The following GUK1 variants were observed in gnomAD, a reference collection of about 807,000 sequenced individuals.
GUK1 encodes guanylate kinase.
Under a neutral mutation model 25.2 loss-of-function variants are expected in GUK1, and 18 were observed. The ratio of observed to expected loss-of-function variants is 0.71; its 90% CI spans 0.49 to 1.06. The LOEUF (loss-of-function observed/expected upper bound fraction) is 1.06, where lower values mean the gene tolerates loss of function less well. Ranked by LOEUF, GUK1 falls within the 50% of genes least tolerant of loss-of-function variation. The pLI is 0.00. For missense variants in GUK1, 261 were observed against 276.7 expected (o/e 0.94, Z 0.40); for synonymous variants, 105 against 117.6 (o/e 0.89, Z 0.69).
At chr1:228,145,878 G>A (rs1044961401) in intron 3 of GUK1, 148 bp from the exon 3 acceptor site, 24 of 732,766 alleles carry the variant, frequency 3.3e-5, no homozygotes, top group East Asian at 1.8e-4. Context: ...GAGAACCCTC[G>A]CCTTGTAGGC....
chr1:228,146,634 A>C (rs2034393550), intron 4 of GUK1: 2 of 593,572 alleles, frequency 3.4e-6, no homozygotes, highest in African/African-American at 3.7e-5. Flanking sequence ...TATCTCCATC[A>C]GTGAGGACAG....
intron 4 of GUK1, 62 bp downstream of exon 3, chr1:228,146,129 G>A (rs938765842): frequency 1.7e-6 from 2 of 1,149,156 alleles, no homozygotes; most frequent in African/African-American, 3.0e-5. Context: ...GCTGGGCCCT[G>A]CAGCTGTGTT....
At chr1:228,141,342 C>G (rs1337054757) in intron 2 of GUK1, 18 of 774,130 alleles carry the variant, frequency 2.3e-5, no homozygotes, top group African/African-American at 1.9e-5. Flanking sequence ...TGAAAGCGCC[C>G]TGGCTGCTCC....
At chr1:228,144,895 GCATCA>G (rs147027877) in intron 2 of GUK1, 4 of 163,854 alleles carry the variant, frequency 2.4e-5, no homozygotes, top group African/African-American at 9.6e-5. Flanking sequence ...GGCATTACCA[GCATCA>G]CAGATAGGAG....
intron 4 of GUK1, chr1:228,146,572 C>A: frequency 1.9e-6 from 1 of 529,868 alleles, no homozygotes; most frequent in Non-Finnish European, 3.4e-6. Flanking sequence ...GTCTCCAGTC[C>A]CCACCCCATC....
rs1571898087 is a variant in GUK1 at position 228,147,631 on chromosome 1, A to G, written c.407A>G (p.Gln136Arg). Reference sequence around the variant, plus strand: ...CCTTTTTAGGAGCAGCGGCTGCGGCAGCGCAACACTGAAACCGAGGAGAGC... The same window carrying G: ...CCTTTTTAGGAGCAGCGGCTGCGGCGGCGCAACACTGAAACCGAGGAGAGC... Residue 136 changes from glutamine to arginine, a missense_variant, in exon 7 of 9, where the codon CAG becomes CGG. Gln to Arg is a conservative substitution (Grantham distance 43, BLOSUM62 1). Coordinates refer to ENST00000312726, the MANE Select transcript of GUK1 (RefSeq NM_000858.7). 1.2e-6 allele frequency: 2 copies of G among 1,612,910 alleles called. No individual in the cohort carries two copies. Among genetic ancestry groups the G allele is most frequent in the African/African-American group, 1.3e-5 (1 of 74,908 alleles).
chr1:228,141,072 G>C (rs1377766358), intron 1 of GUK1: 1 of 904,656 alleles, frequency 1.1e-6, no homozygotes, highest in Non-Finnish European at 1.3e-6. Context: ...CTGAGGCCCC[G>C]GGCTGGGTCC....
upstream of GUK1, chr1:228,140,277 T>C: frequency 3.9e-6 from 6 of 1,528,392 alleles, no homozygotes; most frequent in South Asian, 1.2e-5. Context: ...TCACGTAGGT[T>C]CAGTGGGCGG....
chr1:228,148,114 C>G (rs1040541670), intron 7 of GUK1: 4 of 604,690 alleles, frequency 6.6e-6, no homozygotes, highest in Non-Finnish European at 1.2e-5. Context: ...GATAGTGTAG[C>G]CCCTAACCAG....
intron 5 of GUK1, 77 bp from the exon 5 acceptor site, chr1:228,147,329 A>G: frequency 7.2e-7 from 1 of 1,397,500 alleles, no homozygotes; most frequent in Non-Finnish European, 9.8e-7. Flanking sequence ...TGGGCCCGGG[A>G]GGGCCTGGGT....
intron 4 of GUK1, chr1:228,146,354 G>C (rs528574780): frequency 1.9e-6 from 1 of 519,394 alleles, no homozygotes; most frequent in Admixed American, 3.4e-5. Context: ...TCCTGGACTC[G>C]GCACTTATCA....
At chr1:228,141,521 G>A (rs1048324633) in intron 2 of GUK1, 4 of 570,548 alleles carry the variant, frequency 7.0e-6, no homozygotes, top group Non-Finnish European at 9.4e-6. Context: ...TGTGTCTTAC[G>A]AGAGGCCAGG....
At chr1:228,147,035 C>T in intron 5 of GUK1, 97 bp downstream of exon 4, 1 of 844,676 alleles carries the variant, frequency 1.2e-6, no homozygotes. Flanking sequence ...ACACCACCCA[C>T]CCCATGGTTA....
intron 4 of GUK1, 67 bp downstream of exon 3, chr1:228,146,134 T>C (rs2034358558): frequency 1.9e-6 from 2 of 1,039,624 alleles, no homozygotes; most frequent in Non-Finnish European, 3.0e-6. Flanking sequence ...GCCCTGCAGC[T>C]GTGTTGGCTG....
chr1:228,147,235 G>A (rs2124950281), intron 5 of GUK1, among the ~76,000 whole-genome samples, 171 bp from the exon 5 acceptor site: 1 of 152,358 alleles, frequency 6.6e-6, no homozygotes, highest in Admixed American at 6.5e-5. Context: ...TGTAGGCGGG[G>A]CAGGGCGTGG....
chr1:228,140,131 G>A (rs1245343350), upstream of GUK1: 9 of 598,882 alleles, frequency 1.5e-5, no homozygotes, highest in Non-Finnish European at 2.3e-5. Context: ...GGCCAGCGCA[G>A]GTGGAGGCGG....
chr1:228,140,378 C>T lies in GUK1; in HGVS notation c.-168+15C>T. The T allele has an allele frequency of 1.3e-6, 2 of 1,501,914 alleles. No homozygotes were observed. Among genetic ancestry groups the T allele is most frequent in the Non-Finnish European group, 1.8e-6 (2 of 1,131,906 alleles). The allele number at this position is 1,501,914 out of a possible 1,614,324, so 93.0% of individuals were successfully genotyped here. ...CCCACCGGACGGTGAGTACGACAAGCGCGATCGCGAGGGTGACTCGGGTCG... is the reference window on the plus strand; with the variant it reads ...CCCACCGGACGGTGAGTACGACAAGTGCGATCGCGAGGGTGACTCGGGTCG... On this transcript the variant is annotated intron_variant, in intron 1 of 8. Coordinates refer to ENST00000312726, the MANE Select transcript of GUK1 (RefSeq NM_000858.7).
At chr1:228,145,400 T>G in intron 2 of GUK1, 111 bp from the exon 2 acceptor site, 1 of 1,146,536 alleles carries the variant, frequency 8.7e-7, no homozygotes, top group Non-Finnish European at 1.2e-6. Context: ...GGCCAATGTC[T>G]CCATCCCTGG....
chr1:228,147,737 G>A (rs1470261074), intron 7 of GUK1, 38 bp downstream of exon 6: 1 of 1,584,210 alleles, frequency 6.3e-7, no homozygotes. Flanking sequence ...ATGCCAGGAG[G>A]GGAGTCAGGG....
Sources: gnomAD v4.1 joint callset for allele counts (sites outside exome capture counted in the v4.1 genomes callset) on GRCh38, gnomAD v4.1.1 for gene constraint, MANE v1.5 for transcripts, NCBI Gene and HGNC (gene_info 2026-07-23, HGNC 2026-07-21) for gene names.